Variants in SEMA4A observed in about 807,000 individuals in gnomAD.
SEMA4A encodes semaphorin 4A.
In SEMA4A, 52 loss-of-function variants were observed where a neutral mutation model predicts 72.5. The ratio of observed to expected loss-of-function variants is 0.72; its 90% CI spans 0.57 to 0.90. The LOEUF is 0.90. Ranked by LOEUF, SEMA4A falls within the 40% of genes least tolerant of loss-of-function variation. The pLI is 0.00. For synonymous variants in SEMA4A, 369 were observed against 393.1 expected, an observed-to-expected ratio of 0.94 and a Z score of 0.73; for missense variants, 926 against 959.7, an observed-to-expected ratio of 0.96 and a Z score of 0.46.
rs554643824 is a variant in SEMA4A, at chr1:156,154,326, G to T, written c.-29-224G>T. 23 of 573,898 alleles carry T rather than the reference G, an allele frequency of 4.0e-5. No homozygotes were observed. In the East Asian group the frequency reaches 6.4e-4, roughly 16 times the overall value. 35.6% of individuals were successfully genotyped at this position (573,898 alleles called of 1,614,324 possible). A position where few individuals can be genotyped will look rare whatever the true frequency, so the allele number is the denominator to read the frequency against. ...AAGAAGCAGGATAGGGGAGACCTGG[G>T]CTCCTACCCATAGGGGACAGTGAGG... is the stretch of plus-strand genomic sequence containing the variant. On this transcript the variant is annotated intron_variant, in intron 1 of 14. Transcript: ENST00000368285.
In SEMA4A at chr1:156,172,996, C is replaced by T; in HGVS notation, c.1305C>T (p.Tyr435=). 6.2e-7 allele frequency: 1 copy of T among 1,613,978 alleles called. No individual in the cohort carries two copies. Among genetic ancestry groups the T allele is most frequent in the Non-Finnish European group, 8.5e-7 (1 of 1,179,876 alleles). ...ATGGGCACAGCCATCTTGTCATGTA[C>T]CTGGGAACCAGTGAGTAAAGAGTTC... ...GLDGHSHLVM[Y]LGTTTGSLHK... Residue 435 remains tyrosine (Y), a synonymous_variant, in exon 11 of 15, where the codon TAC becomes TAT. Coordinates refer to ENST00000368285, the MANE Select transcript of SEMA4A (RefSeq NM_022367.4).
Position 156,161,047 on chromosome 1 carries a change from G to A in SEMA4A, c.810+18G>A, listed in dbSNP as rs760072594. On this transcript the variant is annotated intron_variant, in intron 8 of 14. Coordinates refer to ENST00000368285, the MANE Select transcript of SEMA4A (RefSeq NM_022367.4). ...TCTGCAAGGTCCGCGGCCTGGGCGG[G>A]GGGCGGGGCTAACTGGAGGAGAACC... 2 of 1,360,774 alleles carry A rather than the reference G, an allele frequency of 1.5e-6. No individual in the cohort carries two copies. The highest frequency in any genetic ancestry group is 2.3e-5 in the South Asian group (2 of 85,420). The allele number at this position is 1,360,774 out of a possible 1,614,324, so 84.3% of individuals were successfully genotyped here.
At chr1:156,158,958 T>G in intron 6 of SEMA4A, 134 bp downstream of exon 6, 1 of 782,354 alleles carries the variant, frequency 1.3e-6, no homozygotes, top group East Asian at 2.6e-5. Context: ...TCCCAGTTAT[T>G]TGGAAGCTGA....
upstream of SEMA4A, among the ~76,000 whole-genome samples, chr1:156,150,760 C>T (rs533735100): frequency 1.3e-5 from 2 of 152,254 alleles, no homozygotes; most frequent in East Asian, 3.9e-4. Flanking sequence ...TAGACCTTTC[C>T]TCTGCACAAT....
Position 156,154,594 on chromosome 1 carries a change from C to T in SEMA4A, c.16C>T (p.Leu6=). Residue 6 remains leucine, a synonymous_variant, in exon 2 of 15, where the codon CTG becomes TTG. Coordinates refer to ENST00000368285, the MANE Select transcript of SEMA4A (RefSeq NM_022367.4). The part of the protein sequence containing the change: MALPA[L]GLDPWSLLGL... ...GTGGCTGAGCATGGCCCTCCCAGCC[C>T]TGGGCCTGGACCCCTGGAGCCTCCT... 3.1e-6 allele frequency: 5 copies of T among 1,610,952 alleles called. No homozygotes were observed. Among genetic ancestry groups the T allele is most frequent in the Non-Finnish European group, 4.2e-6 (5 of 1,179,450 alleles).
intron 2 of SEMA4A, 64 bp downstream of exon 2, chr1:156,154,781 G>C: frequency 6.5e-7 from 1 of 1,543,632 alleles, no homozygotes; most frequent in Non-Finnish European, 8.8e-7. Flanking sequence ...GTGGAGGAAG[G>C]AGAGAGGAAC....
intron 10 of SEMA4A, among the ~76,000 whole-genome samples, chr1:156,170,993 A>G (rs1654721729): frequency 6.6e-6 from 1 of 152,120 alleles, no homozygotes; most frequent in Non-Finnish European, 1.5e-5. Flanking sequence ...TAAGAGGTTC[A>G]CTTGAGGCCA....
chr1:156,158,612 C>A, intron 5 of SEMA4A, 107 bp from the exon 6 acceptor site: 1 of 1,303,578 alleles, frequency 7.7e-7, no homozygotes, highest in Non-Finnish European at 1.1e-6. Flanking sequence ...ACTTCCTGGC[C>A]CCAGACCAAT....
Position 156,154,735 on chromosome 1 carries a change from G to T in SEMA4A, c.139+18G>T. 1 of 1,571,590 alleles carries T rather than the reference G, an allele frequency of 6.4e-7. No homozygotes were observed. Among genetic ancestry groups the T allele is most frequent in the East Asian group, 2.3e-5 (1 of 43,778 alleles). On this transcript the variant is annotated intron_variant, in intron 2 of 14. Coordinates refer to ENST00000368285, the MANE Select transcript of SEMA4A (RefSeq NM_022367.4). ...CTATGCAGGTAAGTGTCCGACAGCA[G>T]GAAGTGTGGGGATAGCAATAGAGAG... is the stretch of plus-strand genomic sequence containing the variant.
At chr1:156,171,641 A>G (rs757944589) in intron 10 of SEMA4A, among the ~76,000 whole-genome samples, 11 of 152,140 alleles carry the variant, frequency 7.2e-5, no homozygotes, top group Non-Finnish European at 1.3e-4. Flanking sequence ...CAGTGGCACA[A>G]TCTTGGGTCA....
chr1:156,174,799 C>T (rs1465898817), intron 11 of SEMA4A, 23 bp from the exon 12 acceptor site: 2 of 1,614,108 alleles, frequency 1.2e-6, no homozygotes, highest in East Asian at 2.2e-5. Flanking sequence ...GAGATGACTT[C>T]CACTCTCTCT....
chr1:156,175,733 C>A, intron 14 of SEMA4A, 77 bp downstream of exon 14: 1 of 1,009,260 alleles, frequency 9.9e-7, no homozygotes, highest in Non-Finnish European at 1.5e-6. Context: ...ATTCCTGCTC[C>A]AATTTCCTCC....
rs769144891 is a variant in SEMA4A, at chr1:156,161,448, C to A, written c.913C>A (p.Arg305Ser). 9.3e-6 allele frequency: 15 copies of A among 1,613,998 alleles called. No individual in the cohort carries two copies. The Admixed American group carries it at 2.3e-4, about 25-fold the overall frequency. Residue 305 changes from arginine (R) to serine (S), a missense_variant, in exon 9 of 15, where the codon CGC (arginine) becomes AGC (serine). Physicochemically the swap from Arg to Ser is moderately radical, Grantham distance 110. Transcript: ENST00000368285. Reference protein sequence around the residue: ...QPGQLPFNVIRHAVLLPADSP... With the variant: ...QPGQLPFNVISHAVLLPADSP... ...GGGGCAGCTGCCCTTCAACGTCATC[C>A]GCCACGCGGTCCTGCTCCCCGCCGA... is the stretch of plus-strand genomic sequence containing the variant.
At chr1:156,174,703 C>G (rs886892058) in intron 11 of SEMA4A, 119 bp from the exon 12 acceptor site, 3 of 1,195,590 alleles carry the variant, frequency 2.5e-6, no homozygotes, top group Admixed American at 3.7e-5. Flanking sequence ...CTGGCTGACC[C>G]GCGCCCAGTA....
At chr1:156,158,875 G>T (rs115567112) in intron 6 of SEMA4A, 51 bp downstream of exon 6, 3 of 1,450,246 alleles carry the variant, frequency 2.1e-6, no homozygotes, top group African/African-American at 1.4e-5. Context: ...CTCCAGTCAC[G>T]CTGTGAAATA....
At chr1:156,163,853 AT>A (rs1277733021) in intron 10 of SEMA4A, among the ~76,000 whole-genome samples, 1 of 151,858 alleles carries the variant, frequency 6.6e-6, no homozygotes, top group African/African-American at 2.4e-5. Context: ...CCTGGGCAAC[AT>A]TGTAAGACTC....
chr1:156,157,529 A>C lies in SEMA4A; in HGVS notation c.301-541A>C, dbSNP rs1653152527. On this transcript the variant is annotated intron_variant, in intron 3 of 14. Coordinates refer to ENST00000368285, the MANE Select transcript of SEMA4A (RefSeq NM_022367.4). The surrounding 1 kb of genome is among the most constrained non-coding windows in gnomAD (Gnocchi z 4.5). The stretch of plus-strand genomic sequence containing the variant: ...ATTAATGGGAACAATGTGAGGAAGG[A>C]AGGAAGAAAGGGAGAGAAGGCACTA... Among the ~76,000 whole-genome samples, 1 of 152,130 alleles carries C rather than the reference A, an allele frequency of 6.6e-6. No individual in the cohort carries two copies. The highest frequency in any genetic ancestry group is 6.6e-5 in the Admixed American group (1 of 15,260).
chr1:156,163,050 T>A lies in SEMA4A; in HGVS notation c.1090T>A (p.Trp364Arg). 6.2e-7 allele frequency: 1 copy of A among 1,614,198 alleles called. No individual in the cohort carries two copies. Among genetic ancestry groups the A allele is most frequent in the Non-Finnish European group, 8.5e-7 (1 of 1,180,032 alleles). Residue 364 changes from tryptophan to arginine, a missense_variant, in exon 10 of 15, where the codon TGG (tryptophan) becomes AGG (arginine). By Grantham distance (101) the Trp-to-Arg change is moderately radical. Coordinates refer to ENST00000368285, the MANE Select transcript of SEMA4A (RefSeq NM_022367.4). ...AGAGTTGAACAAAGAAACTTCACGC[T>A]GGACTACTTATAGGGGCCCTGAGAC... ...YKELNKETSR[W>R]TTYRGPETNP...
chr1:156,159,510 G>A (rs1572396220), intron 6 of SEMA4A, among the ~76,000 whole-genome samples: 1 of 152,276 alleles, frequency 6.6e-6, no homozygotes, highest in Non-Finnish European at 1.5e-5. Flanking sequence ...GGCCCGGGAA[G>A]GGTATTGGGT....
Sources: gnomAD v4.1 joint callset for allele counts (sites outside exome capture counted in the v4.1 genomes callset) on GRCh38, gnomAD v4.1.1 for gene constraint, Gnocchi (gnomAD v3.1) non-coding constraint, MANE v1.5 for transcripts, NCBI Gene and HGNC (gene_info 2026-07-23, HGNC 2026-07-21) for gene names.